CA4: variants seen among roughly 807,000 people sequenced by gnomAD.
The protein encoded by CA4 is carbonic anhydrase 4, also known as CA-IV.
CA4 carries 24 observed loss-of-function variants against 34.5 expected under a neutral mutation model. The observed-to-expected ratio is 0.70, with a 90% CI of 0.50 to 0.98. The LOEUF (loss-of-function observed/expected upper bound fraction) is 0.98, where lower values mean the gene tolerates loss of function less well. Ranked by LOEUF, CA4 falls within the 50% of genes least tolerant of loss-of-function variation. CA4 has a pLI of 0.00. For synonymous variants in CA4, 178 were observed against 170.6 expected (o/e 1.04, Z -0.34); for missense variants, 394 against 396.7 (o/e 0.99, Z 0.06).
chr17:60,155,206 C>T (rs1471160416), intron 1 of CA4, 108 bp from the exon 2 acceptor site: 2 of 1,003,462 alleles, frequency 2.0e-6, no homozygotes, highest in Non-Finnish European at 1.5e-6. Flanking sequence ...TCCATCCCAG[C>T]CCAAGAGGGG....
intron 4 of CA4, 45 bp from the exon 5 acceptor site, chr17:60,157,645 C>T (rs1357531457): frequency 9.3e-6 from 15 of 1,612,530 alleles, no homozygotes; most frequent in Admixed American, 8.3e-5. Context: ...GGAGGGTAGT[C>T]CAGGCCCTTC....
At chr17:60,150,654 TAAA>T (rs66850461) in intron 1 of CA4, among the ~76,000 whole-genome samples, 51 of 33,908 alleles carry the variant, frequency 1.5e-3, no homozygotes, top group Admixed American at 6.6e-3. Context: ...GTGCTCCGTT[TAAA>T]AAAAAAAAAA....
chr17:60,156,453 G>T, intron 2 of CA4, 107 bp from the exon 3 acceptor site: 2 of 1,133,600 alleles, frequency 1.8e-6, no homozygotes, highest in Non-Finnish European at 2.7e-6. Flanking sequence ...ACCCCAAAGC[G>T]TTTCTGTGTG....
chr17:60,156,280 A>G (rs2083682081), intron 2 of CA4, among the ~76,000 whole-genome samples: 1 of 152,178 alleles, frequency 6.6e-6, no homozygotes, highest in Admixed American at 6.6e-5. Context: ...CCTACCCCGG[A>G]GCTCACAGTC....
chr17:60,166,079 T>A (rs1311633394), intron 5 of CA4, among the ~76,000 whole-genome samples: 2 of 152,178 alleles, frequency 1.3e-5, no homozygotes, highest in Admixed American at 1.3e-4. Context: ...CCTCCCTCCC[T>A]AATGGGGCAC....
At chr17:60,172,374 T>C (rs1017496137), downstream of CA4, among the ~76,000 whole-genome samples, 9 of 152,246 alleles carry the variant, frequency 5.9e-5, no homozygotes, top group Non-Finnish European at 1.2e-4. Context: ...CTCCTCCACT[T>C]CCTTCAGTCT....
rs1362729199 is a variant in CA4, at chr17:60,170,795, T to C, written c.*423T>C. 2.0e-5 allele frequency: 3 copies of C among 152,266 alleles called. No individual in the cohort carries two copies. The East Asian group carries it at 5.8e-4, about 29-fold the overall frequency. 9.4% of individuals were successfully genotyped at this position (152,266 alleles called of 1,614,324 possible). A position where few individuals can be genotyped will look rare whatever the true frequency, so the allele number is the denominator to read the frequency against. On this transcript the variant is annotated 3_prime_UTR_variant and NMD_transcript_variant, in exon 6 of 6. Transcript: ENST00000586876. ...TTATTACAAGCCTCTCAGGTAGCTATGGTCATGGTACCCTGATCCCTTGTC... is the reference window on the plus strand; with the variant it reads ...TTATTACAAGCCTCTCAGGTAGCTACGGTCATGGTACCCTGATCCCTTGTC...
At chr17:60,157,969 GC>G (rs1428704895) in intron 5 of CA4, 91 bp from the exon 6 acceptor site, 1 of 1,568,638 alleles carries the variant, frequency 6.4e-7, no homozygotes, top group Admixed American at 1.9e-5. Context: ...CCCAGAAGCT[GC>G]CTGGCCTTCC....
At chr17:60,156,770 G>T in intron 3 of CA4, 55 bp downstream of exon 3, 13 of 1,512,764 alleles carry the variant, frequency 8.6e-6, no homozygotes, top group Non-Finnish European at 1.1e-5. Flanking sequence ...CCCAAGGACT[G>T]AGAGGATGGG....
intron 7 of CA4, chr17:60,158,700 G>A (rs544890459): frequency 9.0e-6 from 5 of 555,770 alleles, no homozygotes; most frequent in South Asian, 4.0e-5. Context: ...TATCATGAAC[G>A]AGGCTCTGGG....
chr17:60,166,770 C>A (rs1437671731), intron 5 of CA4, among the ~76,000 whole-genome samples: 1 of 151,922 alleles, frequency 6.6e-6, no homozygotes, highest in African/African-American at 2.4e-5. Context: ...CCAGCCTGGC[C>A]ACATGGCGAA....
In CA4 at chr17:60,157,516, G is replaced by A. The variant is rs373844529; in HGVS notation, c.358G>A (p.Asp120Asn). 11 of 1,614,068 alleles carry A rather than the reference G, an allele frequency of 6.8e-6. No individual in the cohort carries two copies. The East Asian group carries it at 8.9e-5, about 13-fold the overall frequency. ...QAKQLHLHWS[D>N]LPYKGSEHSL... ...CAAACAGTTGCACCTGCACTGGTCC[G>A]ACTTGCCATATAAGGGCTCGGAGCA... Residue 120 changes from aspartate (D) to asparagine (N), a missense_variant, in exon 4 of 8, where the codon GAC (aspartate) becomes AAC (asparagine). Transcript: ENST00000300900.
Position 60,155,505 on chromosome 17 carries a change from AC to A in CA4, c.112+139del, listed in dbSNP as rs2083663479. On this transcript the variant is annotated intron_variant, in intron 2 of 7. Coordinates refer to ENST00000300900, the MANE Select transcript of CA4 (RefSeq NM_000717.5). ...AGATATCAGTTCCCAGCATACACACACACACACACACACACACACTCTCTCT... is the reference window on the plus strand; with the variant it reads ...AGATATCAGTTCCCAGCATACACACAACACACACACACACACACTCTCTCT... 3.3e-5 allele frequency: 21 copies of A among 635,572 alleles called. No homozygotes were observed. The South Asian group carries it at 3.4e-4, about 10-fold the overall frequency. The allele number at this position is 635,572 out of a possible 1,614,324, so 39.4% of individuals were successfully genotyped here. A position where few individuals can be genotyped will look rare whatever the true frequency, so the allele number is the denominator to read the frequency against.
chr17:60,159,239 T>G lies in CA4; in HGVS notation c.754T>G (p.Phe252Val), dbSNP rs2083751809. 16 of 1,602,056 alleles carry G rather than the reference T, an allele frequency of 1.0e-5. No homozygotes were observed. The highest frequency in any genetic ancestry group is 1.4e-5 in the Non-Finnish European group (16 of 1,174,304). ...CCCATCACTTCCGCAGATCCTGGCA[T>G]TCTCTCAGAAGCTGTACTACGACAA... ...IQLHREQILA[F>V]SQKLYYDKEQ... Residue 252 changes from phenylalanine to valine, a missense_variant, in exon 8 of 8, where the codon TTC becomes GTC. Phe to Val is a conservative substitution (Grantham distance 50). Coordinates refer to ENST00000300900, the MANE Select transcript of CA4 (RefSeq NM_000717.5).
chr17:60,158,357 C>A lies in CA4; in HGVS notation c.655C>A (p.Arg219Ser), dbSNP rs121434551. The A allele has an allele frequency of 2.5e-6, 4 of 1,614,032 alleles. No individual in the cohort carries two copies. The highest frequency in any genetic ancestry group is 2.5e-6 in the Non-Finnish European group (3 of 1,180,014). ...PKEEKLRHYF[R>S]YLGSLTTPTC... Reference sequence around the variant, plus strand: ...GGAGGAGAAACTGAGGCACTACTTCCGCTACCTGGGCTCACTCACCACACC... The same window carrying A: ...GGAGGAGAAACTGAGGCACTACTTCAGCTACCTGGGCTCACTCACCACACC... Residue 219 changes from arginine to serine, a missense_variant, in exon 7 of 8, where the codon CGC (arginine) becomes AGC (serine). Coordinates refer to ENST00000300900, the MANE Select transcript of CA4 (RefSeq NM_000717.5).
intron 3 of CA4, 56 bp downstream of exon 3, chr17:60,156,771 A>G (rs918265661): frequency 6.6e-7 from 1 of 1,508,644 alleles, no homozygotes; most frequent in East Asian, 2.3e-5. Context: ...CCAAGGACTG[A>G]GAGGATGGGG....
Position 60,158,350 on chromosome 17 carries a change from C to T in CA4, c.648C>T (p.His216=). Residue 216 remains histidine, a synonymous_variant, in exon 7 of 8, where the codon CAC becomes CAT. Coordinates refer to ENST00000300900, the MANE Select transcript of CA4 (RefSeq NM_000717.5). The part of the protein sequence containing the change: ...DLLPKEEKLR[H]YFRYLGSLTT... Reference sequence around the variant, plus strand: ...TCCCCAAGGAGGAGAAACTGAGGCACTACTTCCGCTACCTGGGCTCACTCA... The same window carrying T: ...TCCCCAAGGAGGAGAAACTGAGGCATTACTTCCGCTACCTGGGCTCACTCA... 1 of 1,614,182 alleles carries T rather than the reference C, an allele frequency of 6.2e-7. No homozygotes were observed. The highest frequency in any genetic ancestry group is 8.5e-7 in the Non-Finnish European group (1 of 1,180,002).
intron 1 of CA4, among the ~76,000 whole-genome samples, chr17:60,151,843 G>A (rs1158335078): frequency 6.6e-6 from 1 of 152,170 alleles, no homozygotes; most frequent in African/African-American, 2.4e-5. Flanking sequence ...GCGACCCCCA[G>A]AGCATCTCTG....
At position 60,156,698 on chromosome 17, in the gene CA4, A is replaced by G; in HGVS notation, c.251A>G (p.Gln84Arg). ...GATAAGAAGCAAACGTGGACTGTCC[A>G]AAATAACGGGCACTCAGGTGGGCTG... ...GYDKKQTWTVQNNGHSVMMLL... is the reference protein window; with the variant it reads ...GYDKKQTWTVRNNGHSVMMLL... The change falls in exon 3 of 8, where the codon CAA (glutamine) becomes CGA (arginine). Residue 84 changes from glutamine to arginine, a missense_variant. Gln to Arg is a conservative substitution (Grantham distance 43). Coordinates refer to ENST00000300900, the MANE Select transcript of CA4 (RefSeq NM_000717.5). 6.2e-7 allele frequency: 1 copy of G among 1,614,170 alleles called. No homozygotes were observed.
Sources: gnomAD v4.1 joint callset for allele counts (sites outside exome capture counted in the v4.1 genomes callset) on GRCh38, gnomAD v4.1.1 for gene constraint, MANE v1.5 for transcripts, NCBI Gene and HGNC (gene_info 2026-07-23, HGNC 2026-07-21) for gene names.